TCF21: variants seen among roughly 807,000 people sequenced by gnomAD.
TCF21 encodes the protein transcription factor 21, also known as capsulin.
A neutral mutation model predicts 13.5 loss-of-function variants in TCF21; 3 were observed. The ratio of observed to expected loss-of-function variants is 0.22; its 90% CI spans 0.10 to 0.57. The LOEUF is 0.57. Ranked by LOEUF, TCF21 falls within the 20% of genes least tolerant of loss-of-function variation. The pLI is 0.92. For missense variants in TCF21, 181 were observed against 238.4 expected, an observed-to-expected ratio of 0.76 and a Z score of 1.59; for synonymous variants, 92 against 101.7, an observed-to-expected ratio of 0.90 and a Z score of 0.57.
In TCF21 at chr6:133,889,967, C is replaced by G. The variant is rs1027010200; in HGVS notation, c.450+120C>G. 2.5e-5 allele frequency: 28 copies of G among 1,136,816 alleles called. No homozygotes were observed. The African/African-American group carries it at 2.6e-4, about 11-fold the overall frequency. 70.4% of individuals were successfully genotyped at this position (1,136,816 alleles called of 1,614,324 possible). On this transcript the variant is annotated intron_variant, in intron 1 of 1. Transcript: ENST00000367882. This position sits in a 1 kb window ranked among gnomAD's most constrained non-coding sequence, Gnocchi z 5.1. ...GGGCGCGGCGGTGACTTACACATCT[C>G]GACCACCGCGGGCCTAGAGCCTCCA...
downstream of TCF21, chr6:133,894,817 G>A (rs1775276557): frequency 6.6e-6 from 1 of 152,212 alleles, no homozygotes; most frequent in Non-Finnish European, 1.5e-5. Context: ...GTTAAGGGTG[G>A]GGAGTATCCT....
chr6:133,893,248 C>G (rs1286811711), downstream of TCF21: 2 of 152,360 alleles, frequency 1.3e-5, no homozygotes, highest in Non-Finnish European at 2.9e-5. Flanking sequence ...GAGGAAGGAT[C>G]CCGCTAGGCT....
At chr6:133,894,543 C>T (rs41286220), downstream of TCF21, 1,098 of 152,682 alleles carry the variant, frequency 7.2e-3, 7 homozygotes, top group Admixed American at 0.015. Flanking sequence ...CCACACATGC[C>T]TCCAACACAC....
downstream of TCF21, chr6:133,894,190 T>G (rs762868202): frequency 5.9e-5 from 9 of 152,224 alleles, no homozygotes; most frequent in Non-Finnish European, 1.2e-4. Context: ...AATGATCTTT[T>G]TTTTTCCACG....
intron 1 of TCF21, among the ~76,000 whole-genome samples, chr6:133,890,268 G>C (rs745576597): frequency 2.6e-5 from 4 of 152,128 alleles, no homozygotes; most frequent in Non-Finnish European, 5.9e-5. Context: ...AGTGGAACTT[G>C]ATTTTCCTTT....
intron 1 of TCF21, 75 bp from the exon 2 acceptor site, chr6:133,891,638 T>TTCTTTC: frequency 7.3e-7 from 1 of 1,374,490 alleles, no homozygotes. Context: ...CCCCTTCCTT[T>TTCTTTC]CATCTCAGGC....
At chr6:133,891,222 T>TGGTGATGAAA (rs1233104427) in intron 1 of TCF21, among the ~76,000 whole-genome samples, 1 of 152,098 alleles carries the variant, frequency 6.6e-6, no homozygotes, top group Non-Finnish European at 1.5e-5. Flanking sequence ...GGGAAATAGA[T>TGGTGATGAAA]GGTGATGAAA....
chr6:133,889,598 C>T lies in TCF21; in HGVS notation c.201C>T (p.Ser67=). The change falls in exon 1 of 2, where the codon AGC becomes AGT. Residue 67 remains serine, a synonymous_variant. Transcript: ENST00000367882. This position sits in a 1 kb window ranked among gnomAD's most constrained non-coding sequence, Gnocchi z 5.1. ...GGAGGAAGGCGCCCACCAAGAAGAG[C>T]CCCCTGAGCGGGGTCAGCCAGGAGG... The part of the protein sequence containing the change: ...GKRRKAPTKK[S]PLSGVSQEGK... The T allele has an allele frequency of 1.2e-6, 2 of 1,613,872 alleles. No homozygotes were observed. Among genetic ancestry groups the T allele is most frequent in the Non-Finnish European group, 1.7e-6 (2 of 1,179,928 alleles).
chr6:133,890,343 A>C (rs147397121), intron 1 of TCF21, among the ~76,000 whole-genome samples: 2 of 152,294 alleles, frequency 1.3e-5, no homozygotes, highest in Admixed American at 6.5e-5. Flanking sequence ...TTGGATAAGG[A>C]CACATCTATG....
intron 1 of TCF21, among the ~76,000 whole-genome samples, chr6:133,890,962 A>G (rs1775206469): frequency 6.6e-6 from 1 of 152,168 alleles, no homozygotes; most frequent in Non-Finnish European, 1.5e-5. Flanking sequence ...CTCCACCTAA[A>G]ATGAAAGTGT....
In TCF21 at chr6:133,889,912, G is replaced by C. The variant is rs1178829353; in HGVS notation, c.450+65G>C. 3 of 1,577,768 alleles carry C rather than the reference G, an allele frequency of 1.9e-6. No homozygotes were observed. The African/African-American group carries it at 4.1e-5, about 21-fold the overall frequency. On this transcript the variant is annotated intron_variant, in intron 1 of 1. Transcript: ENST00000367882. The surrounding 1 kb of genome is among the most constrained non-coding windows in gnomAD (Gnocchi z 5.1). ...CCGCACTCCCGCCTGCGGTGGGCGC[G>C]AGTGCGCGCGGGGCTGGGAGTGGGG...
chr6:133,893,821 T>G (rs1420570059), downstream of TCF21: 2 of 152,254 alleles, frequency 1.3e-5, no homozygotes, highest in Non-Finnish European at 2.9e-5. Flanking sequence ...AAGCCTTTGC[T>G]TTAGGCAGGA....
At position 133,892,229 on chromosome 6, in the gene TCF21, AAAAT is replaced by A. The variant is rs1160239981; in HGVS notation, c.*432_*435del. ...TTTCAAACAAGTTTTGCTACTTTTGAAAATAAATCTTTCTTTATATTGCTAAAAG... is the reference window on the plus strand; with the variant it reads ...TTTCAAACAAGTTTTGCTACTTTTGAAAATCTTTCTTTATATTGCTAAAAG... On this transcript the variant is annotated 3_prime_UTR_variant, in exon 2 of 2. Transcript: ENST00000367882. 6.5e-6 allele frequency: 1 copy of A among 152,880 alleles called. No individual in the cohort carries two copies. Among genetic ancestry groups the A allele is most frequent in the Non-Finnish European group, 1.5e-5 (1 of 68,522 alleles). The allele number at this position is 152,880 out of a possible 1,614,324, so 9.5% of individuals were successfully genotyped here. A position where few individuals can be genotyped will look rare whatever the true frequency, so the allele number is the denominator to read the frequency against.
downstream of TCF21, chr6:133,895,271 G>A (rs1407579022): frequency 6.6e-6 from 1 of 152,210 alleles, no homozygotes; most frequent in Non-Finnish European, 1.5e-5. Context: ...GGAGTCTGAA[G>A]TGGGGCCCCA....
intron 1 of TCF21, among the ~76,000 whole-genome samples, chr6:133,891,422 G>A (rs1488694939): frequency 6.6e-6 from 1 of 152,218 alleles, no homozygotes; most frequent in Non-Finnish European, 1.5e-5. Context: ...CTTGCCCGGG[G>A]CTTCCTGCAT....
chr6:133,891,838 G>T lies in TCF21; in HGVS notation c.*36G>T. ...GCGAGTCTGGGAAAGGCGCGCTCCC[G>T]GGGGGAGCGGGCCCCGGGAAGGCGA... is the stretch of plus-strand genomic sequence containing the variant. On this transcript the variant is annotated 3_prime_UTR_variant, in exon 2 of 2. Transcript: ENST00000367882. 6.2e-7 allele frequency: 1 copy of T among 1,606,326 alleles called. No homozygotes were observed. The highest frequency in any genetic ancestry group is 1.1e-5 in the South Asian group (1 of 90,758).
chr6:133,892,815 CT>C, downstream of TCF21: 1 of 152,340 alleles, frequency 6.6e-6, no homozygotes, highest in Admixed American at 6.5e-5. Flanking sequence ...CTTTTGGTTG[CT>C]GTTAGCGGGT....
chr6:133,892,023 T>G lies in TCF21; in HGVS notation c.*221T>G, dbSNP rs1192437526. 1.9e-6 allele frequency: 1 copy of G among 528,574 alleles called. No homozygotes were observed. The highest frequency in any genetic ancestry group is 3.4e-6 in the Non-Finnish European group (1 of 295,672). 32.7% of individuals were successfully genotyped at this position (528,574 alleles called of 1,614,324 possible). A position where few individuals can be genotyped will look rare whatever the true frequency, so the allele number is the denominator to read the frequency against. On this transcript the variant is annotated 3_prime_UTR_variant, in exon 2 of 2. Transcript: ENST00000367882. ...TTCCCATCTATTTAACTTTATTAAC[T>G]TCTACCGTGAATGACTCTGCAAGCC...
chr6:133,889,443 G>T lies in TCF21; in HGVS notation c.46G>T (p.Glu16Ter), dbSNP rs1388813634. Residue 16 changes from glutamate (E) to a stop codon, truncating the protein, a stop_gained, in exon 1 of 2, where the codon GAG becomes TAG. Transcript: ENST00000367882. LOFTEE classifies it high-confidence loss of function. The surrounding 1 kb of genome is among the most constrained non-coding windows in gnomAD (Gnocchi z 5.1). ...CGATGTGGAGGACCTTCAAGAGGTG[G>T]AGATGTTGGAATGTGACGGGTTGAA... ...LSDVEDLQEV[E>*]MLECDGLKMD... 1 of 1,614,024 alleles carries T rather than the reference G, an allele frequency of 6.2e-7. No homozygotes were observed. Among genetic ancestry groups the T allele is most frequent in the East Asian group, 2.2e-5 (1 of 44,868 alleles).
Sources: allele counts gnomAD v4.1 joint callset (sites outside exome capture counted in the v4.1 genomes callset), GRCh38; gene constraint gnomAD v4.1.1; non-coding constraint Gnocchi (gnomAD v3.1); transcripts MANE v1.5; gene names NCBI Gene and HGNC (gene_info 2026-07-23, HGNC 2026-07-21).